Variants in RNF150 observed in about 807,000 individuals in gnomAD.
The protein encoded by RNF150 is ring finger protein 150.
A neutral mutation model predicts 39.3 loss-of-function variants in RNF150; 24 were observed. The observed-to-expected ratio is 0.61, with a 90% CI of 0.44 to 0.86. The LOEUF (loss-of-function observed/expected upper bound fraction) is 0.86. RNF150 is among the 40% of genes least tolerant of loss of function. RNF150 has a pLI of 0.00. For synonymous variants in RNF150, 255 were observed against 227.3 expected (o/e 1.12, Z -1.10); for missense variants, 502 against 587.8 (o/e 0.85, Z 1.51).
intron 1 of RNF150, among the ~76,000 whole-genome samples, chr4:140,996,466 T>C (rs1734381648): frequency 6.6e-6 from 1 of 152,218 alleles, no homozygotes; most frequent in Non-Finnish European, 1.5e-5. Context: ...TTTGGAATAG[T>C]TAACACTGGT....
chr4:140,903,768 G>A (rs550475330), intron 6 of RNF150, among the ~76,000 whole-genome samples: 2 of 152,338 alleles, frequency 1.3e-5, no homozygotes, highest in East Asian at 3.9e-4. Flanking sequence ...TTAATCTGTT[G>A]GCTGAGTTAC....
intron 1 of RNF150, among the ~76,000 whole-genome samples, chr4:141,052,891 A>C (rs3851428): frequency 0.031 from 4,666 of 152,240 alleles, 257 homozygotes; most frequent in African/African-American, 0.1. Context: ...AAAATAAAAT[A>C]TTTCCACAAT....
chr4:141,149,925 T>C (rs1727269181), intron 1 of RNF150, among the ~76,000 whole-genome samples: 1 of 152,192 alleles, frequency 6.6e-6, no homozygotes, highest in Non-Finnish European at 1.5e-5. Flanking sequence ...ATTATGGCCA[T>C]TCTTGCAGGA....
At chr4:140,992,539 G>A (rs77915274) in intron 1 of RNF150, among the ~76,000 whole-genome samples, 2,388 of 152,266 alleles carry the variant, frequency 0.016, 38 homozygotes, top group East Asian at 0.056. Flanking sequence ...TCCCACTGCT[G>A]TTAGCGGGAG....
chr4:141,089,678 A>G lies in RNF150; in HGVS notation c.484+42647T>C, dbSNP rs567246256. On this transcript the variant is annotated intron_variant, in intron 1 of 6. Transcript: ENST00000515673. ...CCTTGTAATCGTGTGAAGGTACAGAAGACCACTGGGAGTGCCCCTATTAGA... is the reference window on the plus strand; with the variant it reads ...CCTTGTAATCGTGTGAAGGTACAGAGGACCACTGGGAGTGCCCCTATTAGA... Among the ~76,000 whole-genome samples the G allele has an allele frequency of 4.6e-5, 7 of 152,338 alleles. No individual in the cohort carries two copies. The South Asian group carries it at 1.2e-3, about 27-fold the overall frequency.
chr4:141,128,793 G>A (rs767843150), intron 1 of RNF150, among the ~76,000 whole-genome samples: 2 of 152,054 alleles, frequency 1.3e-5, no homozygotes, highest in Non-Finnish European at 1.5e-5. Flanking sequence ...TGAGTTGAAA[G>A]TCTGGAAAAG....
intron 1 of RNF150, among the ~76,000 whole-genome samples, chr4:141,012,519 C>T (rs58770901): frequency 0.076 from 11,478 of 151,812 alleles, 478 homozygotes; most frequent in Middle Eastern, 0.15. Flanking sequence ...CATTATAGAC[C>T]GGACGTGTTG....
chr4:141,021,040 T>C (rs1349332298), intron 1 of RNF150, among the ~76,000 whole-genome samples: 1 of 152,246 alleles, frequency 6.6e-6, no homozygotes, highest in African/African-American at 2.4e-5. Flanking sequence ...TAAGAATTTA[T>C]AGCCAAGGAG....
At position 141,088,115 on chromosome 4, in the gene RNF150, A is replaced by G. The variant is rs372431485; in HGVS notation, c.484+44210T>C. 2.0e-5 allele frequency among the ~76,000 whole-genome samples: 3 copies of G among 152,172 alleles called. No individual in the cohort carries two copies. In the East Asian group the frequency reaches 5.8e-4, roughly 29 times the overall value. On this transcript the variant is annotated intron_variant, in intron 1 of 6. Coordinates refer to ENST00000515673, the MANE Select transcript of RNF150 (RefSeq NM_020724.2). ...TGAGCCTCCATTTGGTCATATATAA[A>G]CTGAGATGTCAAAAACTACTTTTCA...
intron 4 of RNF150, among the ~76,000 whole-genome samples, chr4:140,926,366 A>C (rs1335894496): frequency 6.6e-6 from 1 of 152,224 alleles, no homozygotes; most frequent in Admixed American, 6.5e-5. Flanking sequence ...AATAGGAAGA[A>C]GCTCCAATGA....
rs981044690 is a variant in RNF150, at chr4:140,866,816, T to C, written c.*1445A>G. 2.6e-5 allele frequency: 4 copies of C among 152,202 alleles called. No homozygotes were observed. The highest frequency in any genetic ancestry group is 5.9e-5 in the Non-Finnish European group (4 of 68,032). The allele number at this position is 152,202 out of a possible 1,614,324, so 9.4% of individuals were successfully genotyped here. ...GATCCGTCTGATTGTTCAGAGACGC[T>C]ATCAATGACCTTAGTCATCTCTGTA... On this transcript the variant is annotated 3_prime_UTR_variant, in exon 7 of 7. Transcript: ENST00000515673.
At chr4:141,167,058 C>T (rs1158500373) in intron 1 of RNF150, among the ~76,000 whole-genome samples, 1 of 151,998 alleles carries the variant, frequency 6.6e-6, no homozygotes, top group Non-Finnish European at 1.5e-5. Flanking sequence ...GCATCTCAGC[C>T]CCAAATCTCC....
intron 1 of RNF150, among the ~76,000 whole-genome samples, chr4:141,170,302 C>T (rs956447535): frequency 1.3e-5 from 2 of 152,060 alleles, no homozygotes; most frequent in Non-Finnish European, 2.9e-5. Flanking sequence ...TTTTGAGGAA[C>T]TTTATCATAT....
chr4:141,208,082 T>C (rs1378808375), intron 1 of RNF150, among the ~76,000 whole-genome samples: 4 of 152,224 alleles, frequency 2.6e-5, no homozygotes, highest in African/African-American at 9.6e-5. Context: ...TCACAATAAG[T>C]GATCATCAGC....
At chr4:141,003,609 G>T (rs1018948789) in intron 1 of RNF150, among the ~76,000 whole-genome samples, 1 of 124,368 alleles carries the variant, frequency 8.0e-6, no homozygotes, top group South Asian at 2.8e-4. Context: ...ACACACACAC[G>T]TGTGCACACT....
chr4:140,964,743 C>A (rs934658429), intron 2 of RNF150, among the ~76,000 whole-genome samples: 7 of 151,418 alleles, frequency 4.6e-5, no homozygotes, highest in Non-Finnish European at 1.0e-4. Flanking sequence ...TAAATTCATA[C>A]AAAAATAAAC....
intron 1 of RNF150, among the ~76,000 whole-genome samples, chr4:140,996,169 T>C (rs1734362276): frequency 1.3e-5 from 2 of 152,214 alleles, no homozygotes; most frequent in Admixed American, 1.3e-4. Context: ...AGAAACCATT[T>C]TAACTTGGGT....
chr4:141,071,511 G>A (rs906046379), intron 1 of RNF150, among the ~76,000 whole-genome samples: 3 of 151,970 alleles, frequency 2.0e-5, no homozygotes, highest in African/African-American at 7.2e-5. Context: ...CAAGCAGGGA[G>A]GGATTGAGGG....
chr4:140,921,440 G>A (rs1731141288), intron 5 of RNF150, among the ~76,000 whole-genome samples: 1 of 152,120 alleles, frequency 6.6e-6, no homozygotes, highest in African/African-American at 2.4e-5. Flanking sequence ...TCTCTGAATA[G>A]ACCAATAACA....
Sources: allele counts gnomAD v4.1 joint callset (sites outside exome capture counted in the v4.1 genomes callset), GRCh38; gene constraint gnomAD v4.1.1; transcripts MANE v1.5; gene names NCBI Gene and HGNC (gene_info 2026-07-23, HGNC 2026-07-21).